CAMK2D: variants seen among roughly 807,000 people sequenced by gnomAD.
The protein encoded by CAMK2D is calcium/calmodulin-dependent protein kinase type II subunit delta.
CAMK2D carries 37 observed loss-of-function variants against 84.0 expected under a neutral mutation model. The ratio of observed to expected loss-of-function variants is 0.44; its 90% CI spans 0.34 to 0.58. CAMK2D has a LOEUF of 0.58. CAMK2D is among the 20% of genes least tolerant of loss of function. The pLI is 0.02. For missense variants in CAMK2D, 448 were observed against 652.5 expected, an observed-to-expected ratio of 0.69 and a Z score of 3.41; for synonymous variants, 202 against 212.5, an observed-to-expected ratio of 0.95 and a Z score of 0.43.
chr4:113,714,428 A>T (rs1292807092), intron 2 of CAMK2D, among the ~76,000 whole-genome samples: 1 of 152,034 alleles, frequency 6.6e-6, no homozygotes, highest in Non-Finnish European at 1.5e-5. Context: ...ACATAAATCA[A>T]CTTATCTACT....
chr4:113,545,923 T>G (rs1057079450), intron 6 of CAMK2D, among the ~76,000 whole-genome samples: 1 of 152,222 alleles, frequency 6.6e-6, no homozygotes, highest in African/African-American at 2.4e-5. Context: ...AAGTTTTTAA[T>G]TAGTGACGTT....
chr4:113,577,567 A>T (rs2098789296), intron 4 of CAMK2D, among the ~76,000 whole-genome samples: 1 of 152,170 alleles, frequency 6.6e-6, no homozygotes, highest in Non-Finnish European at 1.5e-5. Context: ...TTACTAGTTC[A>T]ATAATGATGT....
At chr4:113,642,908 G>A in intron 3 of CAMK2D, among the ~76,000 whole-genome samples, 1 of 151,430 alleles carries the variant, frequency 6.6e-6, no homozygotes. Context: ...GTTTGGGCAG[G>A]GTCAAGTTAC....
intron 4 of CAMK2D, among the ~76,000 whole-genome samples, chr4:113,594,139 G>A (rs2098910921): frequency 6.6e-6 from 1 of 152,158 alleles, no homozygotes; most frequent in Admixed American, 6.6e-5. Context: ...AGAGAGAGAA[G>A]GAGGAAGGCC....
intron 10 of CAMK2D, among the ~76,000 whole-genome samples, chr4:113,514,433 C>T (rs554058212): frequency 6.6e-6 from 1 of 152,028 alleles, no homozygotes; most frequent in South Asian, 2.1e-4. Context: ...CAAAACCAAA[C>T]CAGAAAGTAT....
intron 2 of CAMK2D, among the ~76,000 whole-genome samples, chr4:113,704,791 A>G (rs2099438215): frequency 1.3e-5 from 2 of 152,196 alleles, no homozygotes; most frequent in South Asian, 4.1e-4. Flanking sequence ...TATCAGTGAA[A>G]AATAAAGCAC....
rs546453595 is a variant in CAMK2D at position 113,642,072 on chromosome 4, A to G, written c.220+19641T>C. 2.0e-5 allele frequency among the ~76,000 whole-genome samples: 3 copies of G among 152,212 alleles called. No individual in the cohort carries two copies. In the East Asian group the frequency reaches 5.8e-4, roughly 29 times the overall value. On this transcript the variant is annotated intron_variant, in intron 3 of 20. Transcript: ENST00000511664. ...AATAAATAAAACAAGCAAACAAAAAATTAAAAAGTGGTAGATTCCTAGAGC... is the reference window on the plus strand; with the variant it reads ...AATAAATAAAACAAGCAAACAAAAAGTTAAAAAGTGGTAGATTCCTAGAGC...
intron 18 of CAMK2D, among the ~76,000 whole-genome samples, chr4:113,459,514 C>T (rs185792855): frequency 6.6e-6 from 1 of 152,022 alleles, no homozygotes; most frequent in Admixed American, 6.5e-5. Context: ...CATGAGCCAG[C>T]GTGCCTGCCT....
chr4:113,675,222 C>A (rs900534071), intron 2 of CAMK2D, among the ~76,000 whole-genome samples: 1 of 152,064 alleles, frequency 6.6e-6, no homozygotes, highest in African/African-American at 2.4e-5. Context: ...TATATTTCAG[C>A]TTAAAGAAAT....
chr4:113,569,973 A>T (rs1158156529), intron 4 of CAMK2D, among the ~76,000 whole-genome samples: 1 of 152,120 alleles, frequency 6.6e-6, no homozygotes, highest in East Asian at 1.9e-4. Context: ...TACAAAAATC[A>T]GTAGTATTTC....
chr4:113,551,741 A>G (rs1479268922), intron 5 of CAMK2D, among the ~76,000 whole-genome samples: 1 of 152,224 alleles, frequency 6.6e-6, no homozygotes, highest in Non-Finnish European at 1.5e-5. Flanking sequence ...GAGGATTTCA[A>G]TCTTTGATCT....
intron 2 of CAMK2D, chr4:113,754,788 T>C (rs911854852): frequency 6.1e-6 from 6 of 981,812 alleles, no homozygotes; most frequent in African/African-American, 5.3e-5. Flanking sequence ...TATAGAAGAA[T>C]GTAAATACAA....
intron 8 of CAMK2D, among the ~76,000 whole-genome samples, chr4:113,521,645 G>A (rs116300253): frequency 0.011 from 1,655 of 152,216 alleles, 37 homozygotes; most frequent in African/African-American, 0.037. Flanking sequence ...AGAGACCTAA[G>A]AGACCAAACA....
chr4:113,585,169 A>G (rs2098828110), intron 4 of CAMK2D, among the ~76,000 whole-genome samples: 1 of 152,216 alleles, frequency 6.6e-6, no homozygotes, highest in African/African-American at 2.4e-5. Context: ...ACAGGTTAAC[A>G]TATTTATCTC....
intron 4 of CAMK2D, among the ~76,000 whole-genome samples, chr4:113,578,717 G>A (rs1234645916): frequency 6.6e-6 from 1 of 152,106 alleles, no homozygotes; most frequent in East Asian, 1.9e-4. Flanking sequence ...TGTAGCCAAA[G>A]CTCTTTCTTC....
At chr4:113,515,882 T>C (rs139411520) in intron 9 of CAMK2D, among the ~76,000 whole-genome samples, 2 of 152,350 alleles carry the variant, frequency 1.3e-5, no homozygotes, top group African/African-American at 4.8e-5. Context: ...TACTTTTTTA[T>C]ATTAAGACTA....
chr4:113,527,998 A>C (rs1374059958), intron 8 of CAMK2D, among the ~76,000 whole-genome samples: 1 of 152,172 alleles, frequency 6.6e-6, no homozygotes, highest in Non-Finnish European at 1.5e-5. Context: ...AAGCTGTGAA[A>C]TCTGTCCATA....
intron 3 of CAMK2D, among the ~76,000 whole-genome samples, chr4:113,611,397 A>G (rs1281885139): frequency 1.3e-5 from 2 of 152,196 alleles, no homozygotes; most frequent in African/African-American, 4.8e-5. Flanking sequence ...TAAAGAACTC[A>G]TAACAATTAT....
intron 16 of CAMK2D, among the ~76,000 whole-genome samples, chr4:113,489,827 T>C (rs375397802): frequency 1.6e-5 from 2 of 122,902 alleles, no homozygotes; most frequent in Admixed American, 8.6e-5. Flanking sequence ...TTTTAATGAT[T>C]GCCATTCTAA....
Sources: allele counts gnomAD v4.1 joint callset (sites outside exome capture counted in the v4.1 genomes callset), GRCh38; gene constraint gnomAD v4.1.1; transcripts MANE v1.5; gene names NCBI Gene and HGNC (gene_info 2026-07-23, HGNC 2026-07-21).